The following UTRN variants were observed in gnomAD, a reference collection of about 807,000 sequenced individuals.
UTRN encodes the protein utrophin, also known as dystrophin-related protein 1.
Under a neutral mutation model 463.9 loss-of-function variants are expected in UTRN, and 283 were observed. The observed-to-expected ratio is 0.61, with a 90% CI of 0.55 to 0.67. The LOEUF is 0.67. UTRN is among the 30% of genes least tolerant of loss of function. The probability of loss-of-function intolerance (pLI) is 0.00; values close to 1 mark genes in which losing one functional copy is unlikely to be tolerated. For synonymous variants in UTRN, 1,442 were observed against 1,431.5 expected (o/e 1.01, Z -0.17); for missense variants, 3,922 against 4,084.3 (o/e 0.96, Z 1.08).
At chr6:144,727,629 G>A (rs1788026326) in intron 53 of UTRN, among the ~76,000 whole-genome samples, 1 of 152,088 alleles carries the variant, frequency 6.6e-6, no homozygotes, top group Admixed American at 6.6e-5. Context: ...CGTGGTGATG[G>A]GGCCCTGTAG....
Position 144,824,772 on chromosome 6 carries a change from G to GA in UTRN, c.9495-2576_9495-2575insA, listed in dbSNP as rs1562955457. On this transcript the variant is annotated intron_variant, in intron 66 of 74. Transcript: ENST00000367545. ...TCCTAGGCAGTATGTGAAGTTGGTG[G>GA]TGGGGGGGGGTGTCCCCCCAGCGTT... Among the ~76,000 whole-genome samples the GA allele has an allele frequency of 5.3e-5, 7 of 131,088 alleles. 1 individual carries two copies. Among genetic ancestry groups the GA allele is most frequent in the Non-Finnish European group, 1.2e-4 (7 of 59,764 alleles). 86.0% of individuals were successfully genotyped at this position (131,088 alleles called of 152,430 possible).
intron 23 of UTRN, among the ~76,000 whole-genome samples, chr6:144,465,952 C>G (rs529858432): frequency 6.6e-6 from 1 of 152,286 alleles, no homozygotes; most frequent in East Asian, 1.9e-4. Flanking sequence ...GAAGCCTACA[C>G]ATTGTGAAGA....
chr6:144,450,514 G>A (rs1788168122), intron 17 of UTRN, among the ~76,000 whole-genome samples: 1 of 152,216 alleles, frequency 6.6e-6, no homozygotes, highest in Non-Finnish European at 1.5e-5. Flanking sequence ...AGCCACTCCT[G>A]TGAATTCCTG....
intron 54 of UTRN, among the ~76,000 whole-genome samples, chr6:144,743,653 T>C (rs1790350396): frequency 6.6e-6 from 1 of 152,240 alleles, no homozygotes; most frequent in African/African-American, 2.4e-5. Flanking sequence ...TCTCTGTTCC[T>C]GGTCCAGCTT....
At chr6:144,554,977 G>A in intron 49 of UTRN, 84 bp downstream of exon 49, 1 of 1,401,206 alleles carries the variant, frequency 7.1e-7, no homozygotes, top group African/African-American at 1.4e-5. Context: ...CTTAACAATA[G>A]GACCCTGCCA....
At chr6:144,371,272 AT>A (rs1562307099) in intron 2 of UTRN, among the ~76,000 whole-genome samples, 1 of 152,182 alleles carries the variant, frequency 6.6e-6, no homozygotes, top group African/African-American at 2.4e-5. Context: ...CCTTAGCTAA[AT>A]ATACTGAATT....
chr6:144,723,728 G>T (rs1241975881), intron 53 of UTRN, among the ~76,000 whole-genome samples: 1 of 152,090 alleles, frequency 6.6e-6, no homozygotes, highest in Non-Finnish European at 1.5e-5. Flanking sequence ...TAGGCTGGGT[G>T]CAGTGGCTTA....
intron 2 of UTRN, among the ~76,000 whole-genome samples, chr6:144,331,179 C>T (rs941240143): frequency 8.5e-5 from 13 of 152,198 alleles, no homozygotes; most frequent in African/African-American, 1.9e-4. Flanking sequence ...TTTTAAAAGA[C>T]GTTTTTTCTA....
intron 2 of UTRN, among the ~76,000 whole-genome samples, chr6:144,347,606 G>T (rs1258937332): frequency 6.6e-6 from 1 of 152,192 alleles, no homozygotes; most frequent in Non-Finnish European, 1.5e-5. Flanking sequence ...CATCTTGGAA[G>T]ACACTCCAGG....
intron 2 of UTRN, among the ~76,000 whole-genome samples, chr6:144,346,548 C>T (rs1343876017): frequency 6.6e-6 from 1 of 152,158 alleles, no homozygotes; most frequent in Non-Finnish European, 1.5e-5. Context: ...CAGCCAGGCA[C>T]AATGGCTCAT....
chr6:144,575,255 T>C (rs1801325783), intron 50 of UTRN, among the ~76,000 whole-genome samples: 1 of 152,112 alleles, frequency 6.6e-6, no homozygotes, highest in African/African-American at 2.4e-5. Context: ...TGCATCATTA[T>C]AAAATAAAAA....
At position 144,600,084 on chromosome 6, in the gene UTRN, C is replaced by G. The variant is rs896142242; in HGVS notation, c.7479+22796C>G. Among the ~76,000 whole-genome samples the G allele has an allele frequency of 3.9e-5, 6 of 152,260 alleles. No homozygotes were observed. The East Asian group carries it at 1.2e-3, about 29-fold the overall frequency. On this transcript the variant is annotated intron_variant, in intron 51 of 74. Transcript: ENST00000367545. ...ACCCATATAAGATGCTGAACTTAAT[C>G]GATAAATGTTGTGTGTGGTCTGACT... is the stretch of plus-strand genomic sequence containing the variant.
chr6:144,507,249 T>A (rs1325089206), intron 34 of UTRN, among the ~76,000 whole-genome samples: 1 of 152,052 alleles, frequency 6.6e-6, no homozygotes, highest in East Asian at 1.9e-4. Flanking sequence ...TTACCCACTT[T>A]CTGAAGCCTA....
chr6:144,426,391 C>A lies in UTRN; in HGVS notation c.510C>A (p.Val170=). 1 of 1,614,166 alleles carries A rather than the reference C, an allele frequency of 6.2e-7. No individual in the cohort carries two copies. Among genetic ancestry groups the A allele is most frequent in the Admixed American group, 1.7e-5 (1 of 60,018 alleles). The change falls in exon 7 of 75, where the codon GTC becomes GTA. Residue 170 remains valine, a synonymous_variant. Coordinates refer to ENST00000367545, the MANE Select transcript of UTRN (RefSeq NM_007124.3). ...AGACCACCAGGCCCTACAGCCAAGT[C>A]AACGTCCTCAACTTCACCACCAGCT... The part of the protein sequence containing the change: ...VRQTTRPYSQ[V]NVLNFTTSWT...
chr6:144,446,242 T>C (rs1156848509), intron 14 of UTRN, among the ~76,000 whole-genome samples: 3 of 152,216 alleles, frequency 2.0e-5, no homozygotes, highest in Non-Finnish European at 4.4e-5. Context: ...TGTTCTATAA[T>C]GATCTGACAT....
At chr6:144,476,084 A>C (rs1338083519) in intron 25 of UTRN, among the ~76,000 whole-genome samples, 5 of 150,222 alleles carry the variant, frequency 3.3e-5, no homozygotes, top group Non-Finnish European at 7.4e-5. Context: ...TTAAAAAAAA[A>C]ACAAAAATTG....
rs532566011 is a variant in UTRN at position 144,458,665 on chromosome 6, A to G, written c.2285-105A>G. 104 of 1,335,216 alleles carry G rather than the reference A, an allele frequency of 7.8e-5. 2 individuals are homozygous for G. The East Asian group carries it at 1.3e-3, about 16-fold the overall frequency. The allele number at this position is 1,335,216 out of a possible 1,614,324, so 82.7% of individuals were successfully genotyped here. ...AAAGGGACTTAAGAAAGTGATCATT[A>G]TGTGTGACATTGCCTCACTATTCTG... is the stretch of plus-strand genomic sequence containing the variant. On this transcript the variant is annotated intron_variant, in intron 19 of 74. Coordinates refer to ENST00000367545, the MANE Select transcript of UTRN (RefSeq NM_007124.3).
intron 50 of UTRN, among the ~76,000 whole-genome samples, chr6:144,562,942 C>T (rs914258306): frequency 2.6e-5 from 4 of 152,186 alleles, no homozygotes; most frequent in South Asian, 4.1e-4. Flanking sequence ...ATCTGCATTT[C>T]TCTAATGCTC....
At chr6:144,766,691 G>A (rs558372579) in intron 58 of UTRN, among the ~76,000 whole-genome samples, 6 of 151,960 alleles carry the variant, frequency 3.9e-5, no homozygotes, top group East Asian at 1.9e-4. Flanking sequence ...AATGGGACAC[G>A]AGGAAGTAGA....
Sources: allele counts gnomAD v4.1 joint callset (sites outside exome capture counted in the v4.1 genomes callset), GRCh38; gene constraint gnomAD v4.1.1; transcripts MANE v1.5; gene names NCBI Gene and HGNC (gene_info 2026-07-23, HGNC 2026-07-21).